The following PLCB1 variants were observed in gnomAD, a reference collection of about 807,000 sequenced individuals.
PLCB1 encodes the protein 1-phosphatidylinositol 4,5-bisphosphate phosphodiesterase beta-1.
PLCB1 carries 46 observed loss-of-function variants against 161.8 expected under a neutral mutation model. The observed-to-expected ratio is 0.28, with a 90% CI of 0.22 to 0.36. PLCB1 has a LOEUF of 0.36. Ranked by LOEUF, PLCB1 falls within the 10% of genes least tolerant of loss-of-function variation. The probability of loss-of-function intolerance (pLI) is 1.00; values close to 1 mark genes in which losing one functional copy is unlikely to be tolerated. For synonymous variants in PLCB1, 517 were observed against 503.7 expected, an observed-to-expected ratio of 1.03 and a Z score of -0.35; for missense variants, 1,016 against 1,472.5, an observed-to-expected ratio of 0.69 and a Z score of 5.07.
chr20:8,543,110 C>T (rs996348099), intron 3 of PLCB1, among the ~76,000 whole-genome samples: 1 of 152,178 alleles, frequency 6.6e-6, no homozygotes, highest in East Asian at 1.9e-4. Context: ...TCTCAGGCCC[C>T]ACCCCAGATC....
At chr20:8,480,537 C>T (rs1982458411) in intron 3 of PLCB1, among the ~76,000 whole-genome samples, 1 of 152,132 alleles carries the variant, frequency 6.6e-6, no homozygotes, top group Non-Finnish European at 1.5e-5. Flanking sequence ...AGATTACAGC[C>T]TTTGGGTGTG....
intron 2 of PLCB1, among the ~76,000 whole-genome samples, chr20:8,366,017 G>A (rs1028227497): frequency 6.6e-6 from 1 of 152,024 alleles, no homozygotes; most frequent in African/African-American, 2.4e-5. Flanking sequence ...ATGGCTGATG[G>A]ATTGAAATCT....
At chr20:8,677,661 A>T (rs140552492) in intron 9 of PLCB1, among the ~76,000 whole-genome samples, 1 of 152,272 alleles carries the variant, frequency 6.6e-6, no homozygotes, top group Non-Finnish European at 1.5e-5. Flanking sequence ...ACCTGTTTTT[A>T]GGATGGTGAA....
chr20:8,329,531 T>A (rs1345218016), intron 2 of PLCB1, among the ~76,000 whole-genome samples: 1 of 152,126 alleles, frequency 6.6e-6, no homozygotes, highest in Non-Finnish European at 1.5e-5. Context: ...TTCTCATCCC[T>A]GCATTCAGAC....
intron 31 of PLCB1, among the ~76,000 whole-genome samples, chr20:8,839,077 A>T (rs1246752247): frequency 6.6e-6 from 1 of 152,228 alleles, no homozygotes; most frequent in Non-Finnish European, 1.5e-5. Flanking sequence ...CATAGATGAC[A>T]TTATGCTGAT....
At chr20:8,803,431 AT>A (rs11404680) in intron 31 of PLCB1, among the ~76,000 whole-genome samples, 2,738 of 138,326 alleles carry the variant, frequency 0.02, 67 homozygotes, top group African/African-American at 0.053. Flanking sequence ...TGGGCCTTTG[AT>A]TTTTTTTTTT....
chr20:8,883,530 T>C lies in PLCB1; in HGVS notation c.*1681T>C, dbSNP rs1047381. The C allele has an allele frequency of 0.75, 113,478 of 152,012 alleles. 43,610 individuals are homozygous for C. Among genetic ancestry groups the C allele is most frequent in the African/African-American group, 0.93 (38,698 of 41,528 alleles). The allele number at this position is 152,012 out of a possible 1,614,324, so 9.4% of individuals were successfully genotyped here. A position where few individuals can be genotyped will look rare whatever the true frequency, so the allele number is the denominator to read the frequency against. ...ATAAACCTGTCTGACTGTAGCTTTGTGAAATATCTTAAAACGCAAAAACCA... is the reference window on the plus strand; with the variant it reads ...ATAAACCTGTCTGACTGTAGCTTTGCGAAATATCTTAAAACGCAAAAACCA... On this transcript the variant is annotated 3_prime_UTR_variant, in exon 32 of 32. Coordinates refer to ENST00000338037, the MANE Select transcript of PLCB1 (RefSeq NM_015192.4).
At chr20:8,452,336 T>C (rs1362977246) in intron 3 of PLCB1, among the ~76,000 whole-genome samples, 1 of 152,158 alleles carries the variant, frequency 6.6e-6, no homozygotes, top group African/African-American at 2.4e-5. Context: ...TTTTTAGCCA[T>C]GTGAGAATAT....
Position 8,391,805 on chromosome 20 carries a change from A to G in PLCB1, c.246+20355A>G, listed in dbSNP as rs1196419814. 3.1e-4 allele frequency among the ~76,000 whole-genome samples: 43 copies of G among 140,930 alleles called. 2 individuals are homozygous for G. The East Asian group carries it at 5.7e-3, about 19-fold the overall frequency. 92.5% of individuals were successfully genotyped at this position (140,930 alleles called of 152,430 possible). ...TGTGTGTATATATATATATATATATATATATATATATATATATATACACAC... is the reference window on the plus strand; with the variant it reads ...TGTGTGTATATATATATATATATATGTATATATATATATATATATACACAC... On this transcript the variant is annotated intron_variant, in intron 3 of 31. Coordinates refer to ENST00000338037, the MANE Select transcript of PLCB1 (RefSeq NM_015192.4).
chr20:8,653,205 C>A (rs1989366911), intron 7 of PLCB1: 2 of 151,992 alleles, frequency 1.3e-5, no homozygotes, highest in Admixed American at 1.3e-4. Context: ...AGTTGGTGGG[C>A]ACACATGTAA....
intron 9 of PLCB1, among the ~76,000 whole-genome samples, chr20:8,682,394 C>T (rs1375394343): frequency 2.0e-5 from 3 of 152,052 alleles, no homozygotes; most frequent in South Asian, 2.1e-4. Flanking sequence ...CCCAGCTACT[C>T]GGGAGGCTGA....
At chr20:8,803,085 A>C (rs768237143) in intron 31 of PLCB1, among the ~76,000 whole-genome samples, 41 of 152,208 alleles carry the variant, frequency 2.7e-4, no homozygotes, top group Non-Finnish European at 4.3e-4. Context: ...ATTACTGAAA[A>C]TAACTCTTTA....
chr20:8,748,561 C>T (rs1981289053), intron 23 of PLCB1, among the ~76,000 whole-genome samples: 1 of 152,176 alleles, frequency 6.6e-6, no homozygotes, highest in Non-Finnish European at 1.5e-5. Context: ...ACAATAACTT[C>T]AATATCCATG....
intron 3 of PLCB1, among the ~76,000 whole-genome samples, chr20:8,477,111 A>C (rs1483043921): frequency 1.3e-5 from 2 of 152,216 alleles, no homozygotes; most frequent in African/African-American, 4.8e-5. Context: ...ATCTCTGGGC[A>C]TGAATCTAAT....
intron 2 of PLCB1, among the ~76,000 whole-genome samples, chr20:8,239,148 A>G (rs188760173): frequency 6.6e-6 from 1 of 152,080 alleles, no homozygotes; most frequent in African/African-American, 2.4e-5. Context: ...AAAGAGAAGG[A>G]GCACCTATTT....
intron 3 of PLCB1, among the ~76,000 whole-genome samples, chr20:8,613,840 T>G (rs971410945): frequency 6.6e-6 from 1 of 151,568 alleles, no homozygotes; most frequent in Non-Finnish European, 1.5e-5. Context: ...ATCAGAAAAA[T>G]TACAGTGAAA....
At chr20:8,298,786 T>A (rs1380532711) in intron 2 of PLCB1, among the ~76,000 whole-genome samples, 6 of 152,158 alleles carry the variant, frequency 3.9e-5, no homozygotes, top group South Asian at 4.1e-4. Context: ...TCTATTCAAA[T>A]CTCTGATGGT....
chr20:8,563,760 A>G (rs1344335164), intron 3 of PLCB1, among the ~76,000 whole-genome samples: 1 of 152,116 alleles, frequency 6.6e-6, no homozygotes, highest in Non-Finnish European at 1.5e-5. Context: ...TAAAAAGAGA[A>G]TAAAATACCT....
At chr20:8,408,575 A>T (rs1424360207) in intron 3 of PLCB1, among the ~76,000 whole-genome samples, 4 of 152,216 alleles carry the variant, frequency 2.6e-5, no homozygotes, top group African/African-American at 9.6e-5. Context: ...AAATTCTCTG[A>T]TATTTTAAAT....
Sources: allele counts gnomAD v4.1 joint callset (sites outside exome capture counted in the v4.1 genomes callset), GRCh38; gene constraint gnomAD v4.1.1; transcripts MANE v1.5; gene names NCBI Gene and HGNC (gene_info 2026-07-23, HGNC 2026-07-21).